The following BSND variants were observed in gnomAD, a reference collection of about 807,000 sequenced individuals.
The protein encoded by BSND is barttin.
In BSND, 13 loss-of-function variants were observed where a neutral mutation model predicts 18.8. That is an observed-to-expected ratio of 0.69 (90% CI 0.45 to 1.10). The LOEUF is 1.10. Among genes scored for constraint, BSND ranks in the 50% least tolerant of loss-of-function variants. The pLI is 0.00. For synonymous variants in BSND, 170 were observed against 161.8 expected, an observed-to-expected ratio of 1.05 and a Z score of -0.39; for missense variants, 379 against 416.7, an observed-to-expected ratio of 0.91 and a Z score of 0.79.
rs936561435 is a variant in BSND at position 55,014,948 on chromosome 1, G to A, written c.*6320G>A. Among the ~76,000 whole-genome samples the A allele has an allele frequency of 6.6e-6, 1 of 152,182 alleles. No individual in the cohort carries two copies. The highest frequency in any genetic ancestry group is 6.5e-5 in the Admixed American group (1 of 15,282). On this transcript the variant is annotated 3_prime_UTR_variant, in exon 4 of 4. Coordinates refer to ENST00000651561, the MANE Select transcript of BSND (RefSeq NM_057176.3). ...GGCATAGGCAAAGCCTTGGGGGAAGGAAGGAGGAAGAAGGAGACTGTCCTG... is the reference window on the plus strand; with the variant it reads ...GGCATAGGCAAAGCCTTGGGGGAAGAAAGGAGGAAGAAGGAGACTGTCCTG...
chr1:55,006,988 C>CT lies in BSND; in HGVS notation c.273-9_273-8insT. 4 of 1,613,902 alleles carry CT rather than the reference C, an allele frequency of 2.5e-6. No individual in the cohort carries two copies. The highest frequency in any genetic ancestry group is 3.4e-6 in the Non-Finnish European group (4 of 1,180,010). On this transcript the variant is annotated splice_polypyrimidine_tract_variant and intron_variant, in intron 2 of 3. Transcript: ENST00000651561. ...CTTTGCCGCCTGCCTGTTCTCTCTC[C>CT]CACTCCAGCCCCAGTCCCCAGCCGC...
At chr1:55,005,225 C>T (rs745671456) in intron 2 of BSND, 109 bp downstream of exon 2, 2 of 909,344 alleles carry the variant, frequency 2.2e-6, no homozygotes, top group Non-Finnish European at 3.5e-6. Context: ...TTCTCACTTA[C>T]TGAGAATGTA....
At chr1:55,007,335 TG>T in intron 3 of BSND, 63 bp downstream of exon 3, 2 of 276,074 alleles carry the variant, frequency 7.2e-6, no homozygotes, top group Non-Finnish European at 1.3e-5. Flanking sequence ...AGGAGAGGAG[TG>T]GGGGACCGCC....
In BSND at chr1:55,015,940, C is replaced by T. The variant is rs1644447950; in HGVS notation, c.*7312C>T. On this transcript the variant is annotated 3_prime_UTR_variant, in exon 4 of 4. Coordinates refer to ENST00000651561, the MANE Select transcript of BSND (RefSeq NM_057176.3). ...GGGAGAACAGCTTGGGCGAAGCCTC[C>T]AGCCCTGAGCCACCCCACCACGTTC... 6.6e-6 allele frequency among the ~76,000 whole-genome samples: 1 copy of T among 152,226 alleles called. No homozygotes were observed. Among genetic ancestry groups the T allele is most frequent in the Non-Finnish European group, 1.5e-5 (1 of 68,042 alleles).
intron 1 of BSND, among the ~76,000 whole-genome samples, chr1:55,000,955 C>T (rs1432968177): frequency 1.3e-5 from 2 of 151,742 alleles, no homozygotes; most frequent in African/African-American, 4.8e-5. Flanking sequence ...ATGGGAGTGA[C>T]GGTAGAGGGG....
intron 2 of BSND, among the ~76,000 whole-genome samples, 164 bp downstream of exon 2, chr1:55,005,280 G>T (rs1182888747): frequency 1.3e-5 from 2 of 152,212 alleles, no homozygotes; most frequent in Admixed American, 1.3e-4. Context: ...TGTGAGTTAG[G>T]CATTATTATT....
At chr1:55,006,904 G>A in intron 2 of BSND, 93 bp from the exon 3 acceptor site, 1 of 1,579,840 alleles carries the variant, frequency 6.3e-7, no homozygotes, top group Non-Finnish European at 8.7e-7. Flanking sequence ...GAGGTGAGGG[G>A]AGACCACATA....
Position 55,013,637 on chromosome 1 carries a change from A to G in BSND, c.*5009A>G, listed in dbSNP as rs1003341867. On this transcript the variant is annotated 3_prime_UTR_variant, in exon 4 of 4. Transcript: ENST00000651561. ...ACCCTAGTGGGACAGGAGAAAAATC[A>G]GTATCAATAAGTCAGGCAGCAAGGT... 2.0e-5 allele frequency among the ~76,000 whole-genome samples: 3 copies of G among 152,182 alleles called. No individual in the cohort carries two copies. Among genetic ancestry groups the G allele is most frequent in the Non-Finnish European group, 2.9e-5 (2 of 68,022 alleles).
At chr1:55,000,855 G>C (rs1644358010) in intron 1 of BSND, among the ~76,000 whole-genome samples, 1 of 152,236 alleles carries the variant, frequency 6.6e-6, no homozygotes. Flanking sequence ...GACCCTGGGG[G>C]ACAGCAGAGG....
At chr1:55,007,535 G>T (rs1285185853) in intron 3 of BSND, among the ~76,000 whole-genome samples, 1 of 152,130 alleles carries the variant, frequency 6.6e-6, no homozygotes, top group Non-Finnish European at 1.5e-5. Context: ...CCCCACACAG[G>T]GATGATCATT....
rs778789684 is a variant in BSND at position 55,008,299 on chromosome 1, A to C, written c.634A>C (p.Asn212His). 4 of 1,614,008 alleles carry C rather than the reference A, an allele frequency of 2.5e-6. No individual in the cohort carries two copies. Among genetic ancestry groups the C allele is most frequent in the Non-Finnish European group, 3.4e-6 (4 of 1,180,028 alleles). The change falls in exon 4 of 4, where the codon AAT becomes CAT. Residue 212 changes from asparagine (N) to histidine (H), a missense_variant. Transcript: ENST00000651561. ...DMDSSEGSSPNASPHDREEAC... is the reference protein window; with the variant it reads ...DMDSSEGSSPHASPHDREEAC... ...GGACTCCAGTGAAGGCAGCAGCCCC[A>C]ATGCATCTCCACATGACAGGGAGGA... is the stretch of plus-strand genomic sequence containing the variant.
chr1:55,000,801 A>C, intron 1 of BSND, among the ~76,000 whole-genome samples: 1 of 152,238 alleles, frequency 6.6e-6, no homozygotes, highest in Admixed American at 6.5e-5. Context: ...AAAGCCACTC[A>C]TGTCACCACT....
At position 55,015,693 on chromosome 1, in the gene BSND, CT is replaced by C. The variant is rs891802561; in HGVS notation, c.*7066del. On this transcript the variant is annotated 3_prime_UTR_variant, in exon 4 of 4. Transcript: ENST00000651561. ...CTATGCACCTGCTTTGTGCCACCCC[CT>C]GTGCTAGGTACTGGGGGAAGAGACA... is the stretch of plus-strand genomic sequence containing the variant. Among the ~76,000 whole-genome samples, 11 of 152,194 alleles carry C rather than the reference CT, an allele frequency of 7.2e-5. No individual in the cohort carries two copies. Among genetic ancestry groups the C allele is most frequent in the African/African-American group, 2.7e-4 (11 of 41,446 alleles).
In BSND at chr1:55,006,307, C is replaced by T. The variant is rs75280607; in HGVS notation, c.273-690C>T. Among the ~76,000 whole-genome samples, 659 of 152,254 alleles carry T rather than the reference C, an allele frequency of 4.3e-3. 2 individuals are homozygous for T. The highest frequency in any genetic ancestry group is 6.1e-3 in the Non-Finnish European group (418 of 68,000). On this transcript the variant is annotated intron_variant, in intron 2 of 3. Coordinates refer to ENST00000651561, the MANE Select transcript of BSND (RefSeq NM_057176.3). The stretch of plus-strand genomic sequence containing the variant: ...GCCACCCTGGGTTCTGAGCTCTTCC[C>T]AGTCACTTCCCGGCTGTGTGACCCT...
chr1:55,001,501 G>A (rs1194229765), intron 1 of BSND, among the ~76,000 whole-genome samples: 1 of 152,088 alleles, frequency 6.6e-6, no homozygotes, highest in Non-Finnish European at 1.5e-5. Context: ...ATTGGTGCCT[G>A]GGCCAACGCT....
At chr1:55,002,488 C>T (rs940930468) in intron 1 of BSND, among the ~76,000 whole-genome samples, 7 of 152,230 alleles carry the variant, frequency 4.6e-5, no homozygotes, top group African/African-American at 7.2e-5. Context: ...GCCTCCCTCT[C>T]TCTGGAGATT....
rs1644425331 is a variant in BSND at position 55,012,155 on chromosome 1, C to T, written c.*3527C>T. Among the ~76,000 whole-genome samples, 2 of 152,204 alleles carry T rather than the reference C, an allele frequency of 1.3e-5. No homozygotes were observed. Among genetic ancestry groups the T allele is most frequent in the Non-Finnish European group, 2.9e-5 (2 of 68,032 alleles). On this transcript the variant is annotated 3_prime_UTR_variant, in exon 4 of 4. Coordinates refer to ENST00000651561, the MANE Select transcript of BSND (RefSeq NM_057176.3). ...GGCCCAGGGGCAGGGAACCTGGGCTCTGCCGACCGCTCGCCATGACCTTGG... is the reference window on the plus strand; with the variant it reads ...GGCCCAGGGGCAGGGAACCTGGGCTTTGCCGACCGCTCGCCATGACCTTGG...
In BSND at chr1:55,013,443, G is replaced by A. The variant is rs985977805; in HGVS notation, c.*4815G>A. Among the ~76,000 whole-genome samples the A allele has an allele frequency of 2.2e-4, 33 of 152,186 alleles. No homozygotes were observed. Among genetic ancestry groups the A allele is most frequent in the African/African-American group, 8.0e-4 (33 of 41,438 alleles). On this transcript the variant is annotated 3_prime_UTR_variant, in exon 4 of 4. Coordinates refer to ENST00000651561, the MANE Select transcript of BSND (RefSeq NM_057176.3). Reference sequence around the variant, plus strand: ...CTCCCAAAGTGCTGGCATTACAGGTGTGAGTCACTGCACCCAGCTGTCCCC... The same window carrying A: ...CTCCCAAAGTGCTGGCATTACAGGTATGAGTCACTGCACCCAGCTGTCCCC...
chr1:55,013,007 T>C lies in BSND; in HGVS notation c.*4379T>C, dbSNP rs1345573280. Reference sequence around the variant, plus strand: ...GGTATTACCAGGGGAGAAACTGATATTCAAACATAGGTCCTCTGAGCCTGT... The same window carrying C: ...GGTATTACCAGGGGAGAAACTGATACTCAAACATAGGTCCTCTGAGCCTGT... On this transcript the variant is annotated 3_prime_UTR_variant, in exon 4 of 4. Coordinates refer to ENST00000651561, the MANE Select transcript of BSND (RefSeq NM_057176.3). 1.3e-5 allele frequency among the ~76,000 whole-genome samples: 2 copies of C among 152,186 alleles called. No individual in the cohort carries two copies. The highest frequency in any genetic ancestry group is 1.5e-5 in the Non-Finnish European group (1 of 68,042).
Sources: gnomAD v4.1 joint callset for allele counts (sites outside exome capture counted in the v4.1 genomes callset) on GRCh38, gnomAD v4.1.1 for gene constraint, MANE v1.5 for transcripts, NCBI Gene and HGNC (gene_info 2026-07-23, HGNC 2026-07-21) for gene names.